Variants in TMED8 observed in about 807,000 individuals in gnomAD.
The protein encoded by TMED8 is protein TMED8.
In TMED8, 15 loss-of-function variants were observed where a neutral mutation model predicts 32.7. That is an observed-to-expected ratio of 0.46 (90% CI 0.31 to 0.71). The LOEUF (loss-of-function observed/expected upper bound fraction) is 0.71, where lower values mean the gene tolerates loss of function less well. Among genes scored for constraint, TMED8 ranks in the 30% least tolerant of loss-of-function variants. The pLI is 0.06. For missense variants in TMED8, 390 were observed against 423.9 expected, an observed-to-expected ratio of 0.92 and a Z score of 0.70; for synonymous variants, 147 against 161.4, an observed-to-expected ratio of 0.91 and a Z score of 0.68.
At chr14:77,373,150 C>G (rs1893736333) in intron 1 of TMED8, among the ~76,000 whole-genome samples, 1 of 149,904 alleles carries the variant, frequency 6.7e-6, no homozygotes, top group Non-Finnish European at 1.5e-5. Context: ...TTGTAATATT[C>G]TAACTTCTAC....
rs1421683694 is a variant in TMED8, at chr14:77,341,095, AG to A, written c.*675del. ...GCAGTTTTTCTTCCCACAAGATCTT[AG>A]GTTACATTGATCATCACTTGAGATT... On this transcript the variant is annotated 3_prime_UTR_variant, in exon 6 of 6. Transcript: ENST00000216468. 6.6e-6 allele frequency: 1 copy of A among 152,310 alleles called. No individual in the cohort carries two copies. The highest frequency in any genetic ancestry group is 2.4e-5 in the African/African-American group (1 of 41,454). 9.4% of individuals were successfully genotyped at this position (152,310 alleles called of 1,614,324 possible).
rs1195003819 is a variant in TMED8 at position 77,336,454 on chromosome 14, C to A, written c.*5317G>T. On this transcript the variant is annotated 3_prime_UTR_variant, in exon 6 of 6. Transcript: ENST00000216468. ...CCTATTTGTAAATGAGCTCCACTAT[C>A]ATTGGTTTTAGGCAATAGTGTTTTC... The A allele has an allele frequency of 6.6e-6, 1 of 152,128 alleles. No individual in the cohort carries two copies. Among genetic ancestry groups the A allele is most frequent in the Admixed American group, 6.5e-5 (1 of 15,274 alleles). 9.4% of individuals were successfully genotyped at this position (152,128 alleles called of 1,614,324 possible).
chr14:77,375,915 A>G (rs905265332), intron 1 of TMED8, among the ~76,000 whole-genome samples: 1 of 152,240 alleles, frequency 6.6e-6, no homozygotes, highest in Admixed American at 6.5e-5. Context: ...TATTTTTAGT[A>G]ATCACATTTT....
At chr14:77,370,950 G>GA (rs200668025) in intron 1 of TMED8, among the ~76,000 whole-genome samples, 262 of 144,182 alleles carry the variant, frequency 1.8e-3, no homozygotes, top group African/African-American at 5.1e-3. Context: ...CTCTGTCTCA[G>GA]AAAAAAAAAA....
In TMED8 at chr14:77,335,487, G is replaced by A. The variant is rs957848957; in HGVS notation, c.*6284C>T. The A allele has an allele frequency of 2.0e-5, 3 of 152,192 alleles. No individual in the cohort carries two copies. Among genetic ancestry groups the A allele is most frequent in the Non-Finnish European group, 2.9e-5 (2 of 68,034 alleles). 9.4% of individuals were successfully genotyped at this position (152,192 alleles called of 1,614,324 possible). On this transcript the variant is annotated 3_prime_UTR_variant, in exon 6 of 6. Transcript: ENST00000216468. ...AATAATGTCTTTGTAGTTGCCAATTGCTTAAATCTTTACGAAGAAAACATG... is the reference window on the plus strand; with the variant it reads ...AATAATGTCTTTGTAGTTGCCAATTACTTAAATCTTTACGAAGAAAACATG...
Position 77,338,568 on chromosome 14 carries a change from C to T in TMED8, c.*3203G>A, listed in dbSNP as rs1892819398. On this transcript the variant is annotated 3_prime_UTR_variant, in exon 6 of 6. Coordinates refer to ENST00000216468, the MANE Select transcript of TMED8 (RefSeq NM_213601.3). The stretch of plus-strand genomic sequence containing the variant: ...CCATCTTCAAGATGTCCTGCCTTTC[C>T]AGGCCAAACCAGTGTATACCTTACA... 1 of 152,232 alleles carries T rather than the reference C, an allele frequency of 6.6e-6. No homozygotes were observed. The highest frequency in any genetic ancestry group is 2.4e-5 in the African/African-American group (1 of 41,456). The allele number at this position is 152,232 out of a possible 1,614,324, so 9.4% of individuals were successfully genotyped here.
At chr14:77,375,234 A>C (rs1242416314) in intron 1 of TMED8, among the ~76,000 whole-genome samples, 2 of 152,218 alleles carry the variant, frequency 1.3e-5, no homozygotes, top group Non-Finnish European at 2.9e-5. Context: ...CATTAAAAAA[A>C]AAAATTATCA....
At chr14:77,346,744 A>G (rs1313147812) in intron 2 of TMED8, among the ~76,000 whole-genome samples, 2 of 133,094 alleles carry the variant, frequency 1.5e-5, no homozygotes, top group Non-Finnish European at 3.1e-5. Context: ...ATCATCTGAG[A>G]TGGACTGCTG....
At chr14:77,351,455 G>A (rs1182249456) in intron 2 of TMED8, among the ~76,000 whole-genome samples, 2 of 134,244 alleles carry the variant, frequency 1.5e-5, no homozygotes, top group African/African-American at 5.6e-5. Context: ...TAGAGACGGG[G>A]TTTCACTGTG....
intron 1 of TMED8, among the ~76,000 whole-genome samples, chr14:77,371,288 G>T (rs898848230): frequency 2.6e-5 from 4 of 152,200 alleles, no homozygotes; most frequent in African/African-American, 9.7e-5. Context: ...AGCAAAGCAT[G>T]AGAGTGTCTG....
intron 2 of TMED8, among the ~76,000 whole-genome samples, chr14:77,348,889 T>C (rs1893114009): frequency 6.6e-6 from 1 of 152,188 alleles, no homozygotes; most frequent in Non-Finnish European, 1.5e-5. Context: ...TCTTTATAGG[T>C]TCACTTGGGT....
At chr14:77,345,659 C>CAAAA (rs11297608) in intron 3 of TMED8, among the ~76,000 whole-genome samples, 85 of 103,104 alleles carry the variant, frequency 8.2e-4, no homozygotes, top group Non-Finnish European at 1.1e-3. Context: ...ACCTTTGTCT[C>CAAAA]AAAAAAAAAA....
intron 1 of TMED8, among the ~76,000 whole-genome samples, chr14:77,362,120 T>C (rs1893452841): frequency 1.3e-5 from 2 of 152,154 alleles, no homozygotes; most frequent in Non-Finnish European, 1.5e-5. Flanking sequence ...TTGTAGAGTT[T>C]TTGGGGTTAT....
rs1245962409 is a variant in TMED8, at chr14:77,340,056, C to T, written c.*1715G>A. On this transcript the variant is annotated 3_prime_UTR_variant, in exon 6 of 6. Transcript: ENST00000216468. ...ACAAAGGACTCTGAAATCCTGGAAT[C>T]ACGGGATATCTCTGATTGGTTAGGG... 1.3e-5 allele frequency: 2 copies of T among 152,182 alleles called. No homozygotes were observed. The highest frequency in any genetic ancestry group is 3.9e-4 in the East Asian group (2 of 5,192). 9.4% of individuals were successfully genotyped at this position (152,182 alleles called of 1,614,324 possible).
intron 1 of TMED8, among the ~76,000 whole-genome samples, chr14:77,357,194 TC>T (rs1893309867): frequency 1.3e-5 from 2 of 152,194 alleles, no homozygotes; most frequent in African/African-American, 2.4e-5. Flanking sequence ...TCAGTTTTGT[TC>T]TTGCAAGAAT....
In TMED8 at chr14:77,343,262, C is replaced by T. The variant is rs1270304624; in HGVS notation, c.676G>A (p.Val226Ile). 2 of 1,614,192 alleles carry T rather than the reference C, an allele frequency of 1.2e-6. No individual in the cohort carries two copies. The highest frequency in any genetic ancestry group is 1.7e-6 in the Non-Finnish European group (2 of 1,180,026). ...GFGVYFDWTP[V>I]TSTDITVQVS... ...TGCACAGTTATGTCAGTGCTAGTTA[C>T]AGGGGTCCAGTCAAAATAAACTCCA... The change falls in exon 5 of 6, where the codon GTA becomes ATA. Residue 226 changes from valine (V) to isoleucine (I), a missense_variant. Coordinates refer to ENST00000216468, the MANE Select transcript of TMED8 (RefSeq NM_213601.3).
At position 77,339,391 on chromosome 14, in the gene TMED8, A is replaced by G. The variant is rs1270544477; in HGVS notation, c.*2380T>C. 6.6e-6 allele frequency: 1 copy of G among 152,246 alleles called. No homozygotes were observed. The highest frequency in any genetic ancestry group is 1.5e-5 in the Non-Finnish European group (1 of 68,044). 9.4% of individuals were successfully genotyped at this position (152,246 alleles called of 1,614,324 possible). ...TAGGCTTCCCTGATGCAACAGAACT[A>G]GGATTCCAAAGAAAATAAGCAGAGA... On this transcript the variant is annotated 3_prime_UTR_variant, in exon 6 of 6. Coordinates refer to ENST00000216468, the MANE Select transcript of TMED8 (RefSeq NM_213601.3).
intron 3 of TMED8, among the ~76,000 whole-genome samples, chr14:77,345,009 CAG>C (rs1193801430): frequency 6.6e-6 from 1 of 152,186 alleles, no homozygotes; most frequent in Non-Finnish European, 1.5e-5. Context: ...CCTTTTGAGA[CAG>C]AGTTTTGCTC....
chr14:77,356,266 T>C (rs1473414562), intron 1 of TMED8, among the ~76,000 whole-genome samples: 1 of 152,214 alleles, frequency 6.6e-6, no homozygotes, highest in Non-Finnish European at 1.5e-5. Context: ...CTAGGTGAAT[T>C]ATTAGTACTT....
Sources: gnomAD v4.1 joint callset for allele counts (sites outside exome capture counted in the v4.1 genomes callset) on GRCh38, gnomAD v4.1.1 for gene constraint, MANE v1.5 for transcripts, NCBI Gene and HGNC (gene_info 2026-07-23, HGNC 2026-07-21) for gene names.